NELL1: variants seen among roughly 807,000 people sequenced by gnomAD.
The protein encoded by NELL1 is neural EGFL like 1.
NELL1 carries 76 observed loss-of-function variants against 107.4 expected under a neutral mutation model. The ratio of observed to expected loss-of-function variants is 0.71; its 90% CI spans 0.59 to 0.86. NELL1 has a LOEUF of 0.86. NELL1 is among the 40% of genes least tolerant of loss of function. The pLI is 0.00. For synonymous variants in NELL1, 353 were observed against 341.2 expected (o/e 1.03, Z -0.38); for missense variants, 1,024 against 1,005.5 (o/e 1.02, Z -0.25).
At chr11:21,432,519 A>T (rs1483834643) in intron 15 of NELL1, among the ~76,000 whole-genome samples, 1 of 152,138 alleles carries the variant, frequency 6.6e-6, no homozygotes, top group Non-Finnish European at 1.5e-5. Flanking sequence ...ACAGTCAAAT[A>T]AAGTTGAGTT....
At chr11:20,676,353 C>T (rs538843012) in intron 1 of NELL1, among the ~76,000 whole-genome samples, 2 of 151,812 alleles carry the variant, frequency 1.3e-5, no homozygotes, top group African/African-American at 2.4e-5. Flanking sequence ...TTTGCCCTCC[C>T]CCAACCTAAC....
chr11:20,748,129 C>T (rs1223085992), intron 2 of NELL1, among the ~76,000 whole-genome samples: 1 of 152,122 alleles, frequency 6.6e-6, no homozygotes, highest in Non-Finnish European at 1.5e-5. Flanking sequence ...CTTGCTCCAT[C>T]TGCAGTGGAA....
intron 15 of NELL1, among the ~76,000 whole-genome samples, chr11:21,507,782 CT>C: frequency 7.0e-6 from 1 of 141,972 alleles, no homozygotes; most frequent in East Asian, 2.1e-4. Context: ...TTTTTCTTTT[CT>C]TTTCTTTTTT....
At chr11:20,768,525 C>T (rs78732101) in intron 2 of NELL1, among the ~76,000 whole-genome samples, 1,948 of 152,344 alleles carry the variant, frequency 0.013, 17 homozygotes, top group Middle Eastern at 0.031. Context: ...TTCTAATCTC[C>T]ATAACCTGTG....
rs892820031 is a variant in NELL1, at chr11:20,897,143, T to C, written c.603+11603T>C. 2.0e-5 allele frequency among the ~76,000 whole-genome samples: 3 copies of C among 152,280 alleles called. No homozygotes were observed. In the South Asian group the frequency reaches 6.2e-4, roughly 32 times the overall value. On this transcript the variant is annotated intron_variant, in intron 5 of 19. Coordinates refer to ENST00000357134, the MANE Select transcript of NELL1 (RefSeq NM_006157.5). ...CAAAAGACCAAAGCTGGAGGCATCATGCTACCTGACTTCAAACTATACTAC... is the reference window on the plus strand; with the variant it reads ...CAAAAGACCAAAGCTGGAGGCATCACGCTACCTGACTTCAAACTATACTAC...
chr11:21,177,315 T>C (rs2133819685), intron 13 of NELL1, among the ~76,000 whole-genome samples: 1 of 151,856 alleles, frequency 6.6e-6, no homozygotes, highest in African/African-American at 2.4e-5. Context: ...CCTACATCTA[T>C]GAGTTTGACT....
At chr11:21,214,265 T>G (rs1027891409) in intron 13 of NELL1, among the ~76,000 whole-genome samples, 1 of 152,182 alleles carries the variant, frequency 6.6e-6, no homozygotes, top group Admixed American at 6.5e-5. Flanking sequence ...ACTCAAAATG[T>G]TTTGAATTTT....
At chr11:20,867,876 A>G (rs562912804) in intron 4 of NELL1, among the ~76,000 whole-genome samples, 1 of 152,302 alleles carries the variant, frequency 6.6e-6, no homozygotes, top group South Asian at 2.1e-4. Context: ...TGGATATTAG[A>G]AAGAGTCTCA....
At chr11:20,762,716 C>A (rs1404683031) in intron 2 of NELL1, among the ~76,000 whole-genome samples, 1 of 152,166 alleles carries the variant, frequency 6.6e-6, no homozygotes, top group Non-Finnish European at 1.5e-5. Flanking sequence ...CGTTGACAGG[C>A]ATCTTTGCAT....
At chr11:21,291,423 ATAAT>A (rs139149950) in intron 14 of NELL1, among the ~76,000 whole-genome samples, 10 of 106,076 alleles carry the variant, frequency 9.4e-5, no homozygotes, top group African/African-American at 3.0e-4. Context: ...AATTGAGATG[ATAAT>A]TAATAGACTA....
Position 20,927,374 on chromosome 11 carries a change from A to C in NELL1, c.826A>C (p.Ser276Arg), listed in dbSNP as rs774441016. 5.0e-6 allele frequency: 8 copies of C among 1,613,324 alleles called. No individual in the cohort carries two copies. The South Asian group carries it at 8.8e-5, about 18-fold the overall frequency. Residue 276 changes from serine to arginine, a missense_variant, in exon 8 of 20, where the codon AGT (serine) becomes CGT (arginine). By Grantham distance (110) the Ser-to-Arg change is moderately radical. Transcript: ENST00000357134. ...NCHCEKTCQV[S>R]GLLYRDQDSW... Reference sequence around the variant, plus strand: ...TCATTGTGAGAAGACTTGTCAAGTGAGTGGACTGCTCTATCGAGATCAAGA... The same window carrying C: ...TCATTGTGAGAAGACTTGTCAAGTGCGTGGACTGCTCTATCGAGATCAAGA...
chr11:20,697,395 C>CT (rs200467344), intron 2 of NELL1, among the ~76,000 whole-genome samples: 1,228 of 107,422 alleles, frequency 0.011, 9 homozygotes, highest in East Asian at 0.025. Flanking sequence ...TAATATGTTG[C>CT]TTTTTTTTTT....
intron 1 of NELL1, chr11:20,674,687 AG>A: frequency 1.5e-6 from 1 of 673,106 alleles, no homozygotes; most frequent in East Asian, 2.7e-5. Flanking sequence ...ACTGGATCTC[AG>A]TTTAGTGTTG....
At chr11:20,748,452 C>T (rs550335432) in intron 2 of NELL1, among the ~76,000 whole-genome samples, 5 of 152,208 alleles carry the variant, frequency 3.3e-5, no homozygotes, top group Middle Eastern at 3.4e-3. Flanking sequence ...TTTTTGGTTA[C>T]GTGGATTAAT....
At chr11:20,697,523 C>T (rs553169031) in intron 2 of NELL1, among the ~76,000 whole-genome samples, 2 of 151,508 alleles carry the variant, frequency 1.3e-5, no homozygotes, top group East Asian at 3.9e-4. Context: ...AGAACAAAGG[C>T]TAATGTAGCT....
At chr11:21,351,905 C>A (rs1272472418) in intron 14 of NELL1, among the ~76,000 whole-genome samples, 1 of 152,102 alleles carries the variant, frequency 6.6e-6, no homozygotes, top group Non-Finnish European at 1.5e-5. Context: ...GCGTTCAGAA[C>A]AATAAAATAA....
At chr11:21,375,307 T>C (rs1266722772) in intron 15 of NELL1, among the ~76,000 whole-genome samples, 2 of 152,120 alleles carry the variant, frequency 1.3e-5, no homozygotes, top group East Asian at 3.9e-4. Flanking sequence ...ATGAGGTACT[T>C]GGTTTTCTGT....
At chr11:21,401,743 AG>A (rs1322347323) in intron 15 of NELL1, among the ~76,000 whole-genome samples, 1 of 151,784 alleles carries the variant, frequency 6.6e-6, no homozygotes, top group African/African-American at 2.4e-5. Flanking sequence ...AGGTAACATG[AG>A]GAAGCACCAG....
chr11:21,003,613 G>T (rs1260587756), intron 12 of NELL1, among the ~76,000 whole-genome samples: 2 of 151,982 alleles, frequency 1.3e-5, no homozygotes, highest in African/African-American at 2.4e-5. Flanking sequence ...ACTCTGTTTT[G>T]CCCTGCTGTT....
Sources: allele counts gnomAD v4.1 joint callset (sites outside exome capture counted in the v4.1 genomes callset), GRCh38; gene constraint gnomAD v4.1.1; transcripts MANE v1.5; gene names NCBI Gene and HGNC (gene_info 2026-07-23, HGNC 2026-07-21).